Variants in RSBN1 observed in about 807,000 individuals in gnomAD.
RSBN1 encodes lysine-specific demethylase 9.
RSBN1 carries 23 observed loss-of-function variants against 74.8 expected under a neutral mutation model. The observed-to-expected ratio is 0.31, with a 90% CI of 0.22 to 0.44. The LOEUF (loss-of-function observed/expected upper bound fraction) is 0.44, where lower values mean the gene tolerates loss of function less well. Among genes scored for constraint, RSBN1 ranks in the 20% least tolerant of loss-of-function variants. The probability of loss-of-function intolerance (pLI) is 1.00; values close to 1 mark genes in which losing one functional copy is unlikely to be tolerated. For synonymous variants in RSBN1, 407 were observed against 379.6 expected, an observed-to-expected ratio of 1.07 and a Z score of -0.84; for missense variants, 808 against 1,020.9, an observed-to-expected ratio of 0.79 and a Z score of 2.84.
At chr1:113,794,541 C>G (rs1317069624) in intron 2 of RSBN1, among the ~76,000 whole-genome samples, 1 of 152,166 alleles carries the variant, frequency 6.6e-6, no homozygotes, top group Non-Finnish European at 1.5e-5. Context: ...TTGTAGCTCC[C>G]TCTAAGTGCC....
At chr1:113,781,379 A>G (rs1660137225) in intron 2 of RSBN1, among the ~76,000 whole-genome samples, 1 of 152,138 alleles carries the variant, frequency 6.6e-6, no homozygotes, top group African/African-American at 2.4e-5. Flanking sequence ...CCTCTTCACA[A>G]CCAAATTCAA....
In RSBN1 at chr1:113,812,098, C is replaced by T; in HGVS notation, c.315G>A (p.Gln105=). The T allele has an allele frequency of 6.3e-7, 1 of 1,596,852 alleles. No individual in the cohort carries two copies. Among genetic ancestry groups the T allele is most frequent in the South Asian group, 1.1e-5 (1 of 89,976 alleles). ...GSQEKRGRPS[Q]EPPLAPPHRR... The stretch of plus-strand genomic sequence containing the variant: ...GGTGAGGGGGAGCGAGAGGGGGCTC[C>T]TGGCTCGGCCGCCCCCGCTTCTCCT... Residue 105 remains glutamine, a synonymous_variant, in exon 1 of 7, where the codon CAG becomes CAA. Transcript: ENST00000261441.
At chr1:113,774,626 G>A (rs916198369) in intron 4 of RSBN1, among the ~76,000 whole-genome samples, 5 of 151,934 alleles carry the variant, frequency 3.3e-5, no homozygotes, top group African/African-American at 1.2e-4. Flanking sequence ...GCAGTGAGCC[G>A]AGATCGCACC....
At chr1:113,772,548 G>A (rs1659905149) in intron 4 of RSBN1, among the ~76,000 whole-genome samples, 1 of 152,098 alleles carries the variant, frequency 6.6e-6, no homozygotes, top group Non-Finnish European at 1.5e-5. Flanking sequence ...AAAAAACTCT[G>A]TACACATATT....
At chr1:113,781,127 T>A (rs146781587) in intron 2 of RSBN1, among the ~76,000 whole-genome samples, 1 of 152,304 alleles carries the variant, frequency 6.6e-6, no homozygotes, top group East Asian at 1.9e-4. Flanking sequence ...ACCTCTGGAC[T>A]TTTCCATTCC....
chr1:113,766,936 C>T (rs1221741858), intron 6 of RSBN1, among the ~76,000 whole-genome samples, 163 bp downstream of exon 6: 2 of 152,154 alleles, frequency 1.3e-5, no homozygotes, highest in Non-Finnish European at 2.9e-5. Flanking sequence ...GCTAGGGAAG[C>T]TCTGTTTAAA....
At chr1:113,782,996 T>C (rs981495126) in intron 2 of RSBN1, among the ~76,000 whole-genome samples, 3 of 152,208 alleles carry the variant, frequency 2.0e-5, no homozygotes, top group African/African-American at 7.2e-5. Flanking sequence ...GTTGTTGTTG[T>C]TATTGGGTTG....
chr1:113,762,961 G>GTTTTTA lies in RSBN1; in HGVS notation c.*3018_*3019insTAAAAA, dbSNP rs1169331541. The GTTTTTA allele has an allele frequency of 6.5e-6, 1 of 152,694 alleles. No homozygotes were observed. Among genetic ancestry groups the GTTTTTA allele is most frequent in the Non-Finnish European group, 1.5e-5 (1 of 67,994 alleles). The allele number at this position is 152,694 out of a possible 1,614,324, so 9.5% of individuals were successfully genotyped here. On this transcript the variant is annotated 3_prime_UTR_variant, in exon 7 of 7. Coordinates refer to ENST00000261441, the MANE Select transcript of RSBN1 (RefSeq NM_018364.5). ...TCACTAAAAAATAATAAAAGTACCA[G>GTTTTTA]TTAAACAAATTCTAAGTACTGAATA...
intron 2 of RSBN1, among the ~76,000 whole-genome samples, chr1:113,779,480 C>T (rs2101800437): frequency 6.6e-6 from 1 of 152,140 alleles, no homozygotes; most frequent in Admixed American, 6.5e-5. Flanking sequence ...GCCACCCAGG[C>T]CAGAATTACT....
intron 2 of RSBN1, among the ~76,000 whole-genome samples, chr1:113,794,777 T>G (rs1660438416): frequency 6.6e-6 from 1 of 152,178 alleles, no homozygotes; most frequent in African/African-American, 2.4e-5. Flanking sequence ...GTATTATAAT[T>G]GCTGGTTTAC....
intron 1 of RSBN1, among the ~76,000 whole-genome samples, chr1:113,800,974 T>C (rs1660572529): frequency 1.3e-5 from 2 of 151,966 alleles, no homozygotes; most frequent in South Asian, 4.1e-4. Context: ...TCACTAATCC[T>C]GTTTTTCAAT....
intron 6 of RSBN1, 101 bp downstream of exon 6, chr1:113,766,998 T>A: frequency 2.0e-5 from 11 of 560,008 alleles, no homozygotes; most frequent in Non-Finnish European, 3.4e-5. Context: ...AAAATTAAAC[T>A]CACTATCCCA....
At chr1:113,807,151 GAAA>G (rs1660718999) in intron 1 of RSBN1, among the ~76,000 whole-genome samples, 5 of 150,694 alleles carry the variant, frequency 3.3e-5, no homozygotes. Flanking sequence ...CGTCTCTACT[GAAA>G]AACACAAAAA....
At chr1:113,799,559 A>T (rs183027142) in intron 1 of RSBN1, among the ~76,000 whole-genome samples, 3,928 of 142,124 alleles carry the variant, frequency 0.028, 108 homozygotes, top group South Asian at 0.049. Context: ...TGATCTATAG[A>T]TGCTTTACAC....
chr1:113,796,065 GT>G (rs1202438356), intron 2 of RSBN1: 1 of 151,874 alleles, frequency 6.6e-6, no homozygotes, highest in African/African-American at 2.4e-5. Flanking sequence ...TAGGAGAAAT[GT>G]TTTCAGTCTC....
intron 2 of RSBN1, among the ~76,000 whole-genome samples, chr1:113,789,493 T>C (rs1374622869): frequency 6.6e-6 from 1 of 152,138 alleles, no homozygotes; most frequent in East Asian, 1.9e-4. Flanking sequence ...TTTCCCTGAG[T>C]TCTCTGAGCT....
chr1:113,808,150 C>A (rs1660751306), intron 1 of RSBN1, among the ~76,000 whole-genome samples: 1 of 152,088 alleles, frequency 6.6e-6, no homozygotes, highest in African/African-American at 2.4e-5. Flanking sequence ...TATAGTCATC[C>A]TTGGTATCCA....
intron 1 of RSBN1, among the ~76,000 whole-genome samples, chr1:113,798,318 T>C (rs1660513517): frequency 1.3e-5 from 2 of 152,162 alleles, no homozygotes; most frequent in African/African-American, 4.8e-5. Context: ...AGAGAATGGT[T>C]AAATAAATCA....
chr1:113,766,314 A>G lies in RSBN1; in HGVS notation c.2075T>C (p.Val692Ala). Reference protein sequence around the residue: ...VIHQFKTVSAVCSLAWHIRLK... With the variant: ...VIHQFKTVSAACSLAWHIRLK... Reference sequence around the variant, plus strand: ...CCTTATATGCCAGGCTAAGCTGCACACCGCCGAAACTGTTTTGAACTGATG... The same window carrying G: ...CCTTATATGCCAGGCTAAGCTGCACGCCGCCGAAACTGTTTTGAACTGATG... Residue 692 changes from valine (V) to alanine (A), a missense_variant, in exon 7 of 7, where the codon GTG (valine) becomes GCG (alanine). This residue lies in a region of RSBN1 where 38 missense variants were observed against 120.6 expected (regional missense o/e 0.32). Transcript: ENST00000261441. 6.2e-7 allele frequency: 1 copy of G among 1,614,108 alleles called. No individual in the cohort carries two copies. Among genetic ancestry groups the G allele is most frequent in the Non-Finnish European group, 8.5e-7 (1 of 1,179,968 alleles).
Sources: gnomAD v4.1 joint callset for allele counts (sites outside exome capture counted in the v4.1 genomes callset) on GRCh38, gnomAD v4.1.1 for gene constraint, gnomAD v4.1.1 regional missense constraint, MANE v1.5 for transcripts, NCBI Gene and HGNC (gene_info 2026-07-23, HGNC 2026-07-21) for gene names.